ADAMTS12: variants seen among roughly 807,000 people sequenced by gnomAD.
ADAMTS12 encodes ADAM metallopeptidase with thrombospondin type 1 motif 12, also known as A disintegrin and metalloproteinase with thrombospondin motifs 12.
A neutral mutation model predicts 167.8 loss-of-function variants in ADAMTS12; 118 were observed. The observed-to-expected ratio is 0.70, with a 90% CI of 0.61 to 0.82. ADAMTS12 has a LOEUF of 0.82. ADAMTS12 is among the 40% of genes least tolerant of loss of function. The probability of loss-of-function intolerance (pLI) is 0.00; values close to 1 mark genes in which losing one functional copy is unlikely to be tolerated. For missense variants in ADAMTS12, 1,916 were observed against 1,998.8 expected, an observed-to-expected ratio of 0.96 and a Z score of 0.79; for synonymous variants, 704 against 716.9, an observed-to-expected ratio of 0.98 and a Z score of 0.29.
At chr5:33,724,831 G>A (rs932798720) in intron 3 of ADAMTS12, among the ~76,000 whole-genome samples, 1 of 152,138 alleles carries the variant, frequency 6.6e-6, no homozygotes, top group Non-Finnish European at 1.5e-5. Flanking sequence ...GATTACAGGC[G>A]TGAGCCACCG....
chr5:33,590,404 G>A (rs575831647), intron 17 of ADAMTS12, among the ~76,000 whole-genome samples: 1 of 152,270 alleles, frequency 6.6e-6, no homozygotes, highest in Admixed American at 6.5e-5. Context: ...TCTGATGGGA[G>A]GTGTTTAGAT....
chr5:33,747,081 T>C (rs1312229870), intron 3 of ADAMTS12, among the ~76,000 whole-genome samples: 1 of 152,200 alleles, frequency 6.6e-6, no homozygotes, highest in Non-Finnish European at 1.5e-5. Flanking sequence ...ATGGCACTGG[T>C]AGCTCATCTG....
At position 33,634,152 on chromosome 5, in the gene ADAMTS12, T is replaced by C. The variant is rs149371445; in HGVS notation, c.1889-3239A>G. Among the ~76,000 whole-genome samples the C allele has an allele frequency of 5.1e-3, 781 of 152,298 alleles. 10 individuals are homozygous for C. The highest frequency in any genetic ancestry group is 0.018 in the African/African-American group (745 of 41,572). ...ACTTGCTAAAAAGAATGAAAATATT[T>C]CTTAGGTAAGGAAAAGTTTTGATGC... On this transcript the variant is annotated intron_variant, in intron 12 of 23. Coordinates refer to ENST00000504830, the MANE Select transcript of ADAMTS12 (RefSeq NM_030955.4).
chr5:33,855,923 T>TGCCTCACTAC (rs1749384104), intron 2 of ADAMTS12, among the ~76,000 whole-genome samples: 1 of 152,098 alleles, frequency 6.6e-6, no homozygotes, highest in African/African-American at 2.4e-5. Context: ...GTAGCGATGA[T>TGCCTCACTAC]GCCTCACTAC....
intron 2 of ADAMTS12, among the ~76,000 whole-genome samples, chr5:33,810,983 G>C (rs531872450): frequency 1.2e-4 from 18 of 152,304 alleles, no homozygotes; most frequent in Non-Finnish European, 5.9e-5. Context: ...AGTTACAGCT[G>C]TTTGATGTGG....
chr5:33,548,085 G>A (rs1561117394), intron 21 of ADAMTS12, among the ~76,000 whole-genome samples: 9 of 152,136 alleles, frequency 5.9e-5, no homozygotes, highest in Admixed American at 5.9e-4. Context: ...AGTAACTCGG[G>A]GCTCAGTCCT....
chr5:33,744,737 G>C (rs1744718870), intron 3 of ADAMTS12, among the ~76,000 whole-genome samples: 1 of 152,166 alleles, frequency 6.6e-6, no homozygotes, highest in African/African-American at 2.4e-5. Context: ...ATTAAAGAAG[G>C]CCACCCTCAC....
chr5:33,630,613 G>C (rs993524627), intron 13 of ADAMTS12, among the ~76,000 whole-genome samples, 167 bp downstream of exon 13: 1 of 152,152 alleles, frequency 6.6e-6, no homozygotes, highest in African/African-American at 2.4e-5. Flanking sequence ...CCAAAACTGT[G>C]ACTTTGATGA....
At chr5:33,786,035 T>C (rs138843865) in intron 2 of ADAMTS12, among the ~76,000 whole-genome samples, 2 of 152,300 alleles carry the variant, frequency 1.3e-5, no homozygotes, top group African/African-American at 4.8e-5. Context: ...CTCAAAATAT[T>C]ATGCAAAGTG....
At chr5:33,819,180 G>A (rs1218779850) in intron 2 of ADAMTS12, among the ~76,000 whole-genome samples, 1 of 152,022 alleles carries the variant, frequency 6.6e-6, no homozygotes, top group East Asian at 1.9e-4. Context: ...TGTTCAAGGA[G>A]CATTTTCCTT....
chr5:33,691,933 T>A (rs1241078215), intron 3 of ADAMTS12, among the ~76,000 whole-genome samples: 3 of 152,224 alleles, frequency 2.0e-5, no homozygotes, highest in Non-Finnish European at 4.4e-5. Flanking sequence ...ATCTGGGCTA[T>A]CCTAAGGTAA....
intron 5 of ADAMTS12, 96 bp downstream of exon 5, chr5:33,682,921 TG>T: frequency 1.1e-6 from 1 of 951,848 alleles, no homozygotes; most frequent in Non-Finnish European, 1.6e-6. Flanking sequence ...AAACACTTTC[TG>T]GTACCCTCTT....
chr5:33,576,351 C>T lies in ADAMTS12; in HGVS notation c.3675G>A (p.Arg1225=), dbSNP rs1046559101. ...GTGTCCCAGTTTCGGAAGTAGTGGG[C>T]CTTTGGCTGGGGAGCAGTCCTTCCA... The part of the protein sequence containing the change: ...TVMEGLLPSQ[R]PTTSETGTPR... The change falls in exon 19 of 24, where the codon AGG becomes AGA. Residue 1225 remains arginine (R), a synonymous_variant. Coordinates refer to ENST00000504830, the MANE Select transcript of ADAMTS12 (RefSeq NM_030955.4). The T allele has an allele frequency of 1.9e-6, 3 of 1,613,998 alleles. No homozygotes were observed. Among genetic ancestry groups the T allele is most frequent in the African/African-American group, 2.7e-5 (2 of 74,894 alleles).
intron 11 of ADAMTS12, among the ~76,000 whole-genome samples, chr5:33,640,808 A>G (rs1051569569): frequency 1.3e-5 from 2 of 150,144 alleles, no homozygotes; most frequent in Admixed American, 6.7e-5. Flanking sequence ...TAGAAAAAAT[A>G]TATAATATAT....
chr5:33,693,824 C>T (rs768362032), intron 3 of ADAMTS12, among the ~76,000 whole-genome samples: 10 of 152,068 alleles, frequency 6.6e-5, no homozygotes, highest in Non-Finnish European at 1.2e-4. Flanking sequence ...CCAAAGCAAT[C>T]AGGCAAGAAA....
In ADAMTS12 at chr5:33,842,178, C is replaced by T. The variant is rs114335635; in HGVS notation, c.489+38941G>A. Among the ~76,000 whole-genome samples the T allele has an allele frequency of 8.4e-3, 1,284 of 152,212 alleles. 23 individuals carry two copies. Among genetic ancestry groups the T allele is most frequent in the African/African-American group, 0.029 (1,221 of 41,526 alleles). On this transcript the variant is annotated intron_variant, in intron 2 of 23. Coordinates refer to ENST00000504830, the MANE Select transcript of ADAMTS12 (RefSeq NM_030955.4). ...AAGACATCTAAGTAGACAGGCCCAG[C>T]GAGTCATTGGAAACGTTCATCTGTA...
rs1229489772 is a variant in ADAMTS12 at position 33,798,000 on chromosome 5, AG to A, written c.490-46453del. On this transcript the variant is annotated intron_variant, in intron 2 of 23. Transcript: ENST00000504830. Reference sequence around the variant, plus strand: ...TTCATCCATCCTACTGCCTCTTGGTAGGTAAGACATCTGACAATCTCTTTCC... The same window carrying A: ...TTCATCCATCCTACTGCCTCTTGGTAGTAAGACATCTGACAATCTCTTTCC... 3.9e-5 allele frequency among the ~76,000 whole-genome samples: 6 copies of A among 152,376 alleles called. No homozygotes were observed. The East Asian group carries it at 9.6e-4, about 24-fold the overall frequency.
intron 2 of ADAMTS12, among the ~76,000 whole-genome samples, chr5:33,848,021 C>G (rs980339982): frequency 2.0e-5 from 3 of 152,020 alleles, no homozygotes; most frequent in Non-Finnish European, 2.9e-5. Flanking sequence ...TTGAGACCAG[C>G]CTGGCCCATA....
chr5:33,528,077 C>T (rs958328618), intron 23 of ADAMTS12, among the ~76,000 whole-genome samples: 2 of 148,248 alleles, frequency 1.3e-5, no homozygotes, highest in Non-Finnish European at 3.0e-5. Context: ...GGAAATATTA[C>T]TCAACCAGAA....
Sources: allele counts gnomAD v4.1 joint callset (sites outside exome capture counted in the v4.1 genomes callset), GRCh38; gene constraint gnomAD v4.1.1; transcripts MANE v1.5; gene names NCBI Gene and HGNC (gene_info 2026-07-23, HGNC 2026-07-21).